XYLT1: variants seen among roughly 807,000 people sequenced by gnomAD.
XYLT1 encodes beta-D-xylosyltransferase 1.
Under a neutral mutation model 91.3 loss-of-function variants are expected in XYLT1, and 36 were observed. The observed-to-expected ratio is 0.39, with a 90% CI of 0.30 to 0.52. The LOEUF is 0.52. Among genes scored for constraint, XYLT1 ranks in the 20% least tolerant of loss-of-function variants. XYLT1 has a pLI of 0.68. For missense variants in XYLT1, 1,242 were observed against 1,284.5 expected (o/e 0.97, Z 0.51); for synonymous variants, 588 against 532.0 (o/e 1.11, Z -1.45).
intron 1 of XYLT1, among the ~76,000 whole-genome samples, chr16:17,375,153 G>A (rs938753752): frequency 8.5e-5 from 13 of 152,174 alleles, no homozygotes; most frequent in Admixed American, 2.6e-4. Context: ...GTTCCAGTCC[G>A]TGCAACTTCA....
At chr16:17,229,816 G>A (rs2033131677) in intron 3 of XYLT1, among the ~76,000 whole-genome samples, 1 of 152,194 alleles carries the variant, frequency 6.6e-6, no homozygotes, top group African/African-American at 2.4e-5. Context: ...CCAAAATCAT[G>A]TCCACTCAGA....
chr16:17,242,857 T>C (rs2033368826), intron 3 of XYLT1, among the ~76,000 whole-genome samples: 2 of 152,240 alleles, frequency 1.3e-5, no homozygotes. Context: ...TAAGGGGGAA[T>C]CACACAGTAT....
intron 8 of XYLT1, chr16:17,137,535 AAGAAGCCACCATGCTGGCTTGGAGGG>A (rs2030784053): frequency 6.6e-6 from 1 of 152,306 alleles, no homozygotes; most frequent in African/African-American, 2.4e-5. Flanking sequence ...GGGCTGGAGG[AAGAAGCCACCATGCTGGCTTGGAGGG>A]AGCAGAGCAG....
intron 2 of XYLT1, among the ~76,000 whole-genome samples, chr16:17,269,637 A>G (rs2033856968): frequency 6.6e-6 from 1 of 152,094 alleles, no homozygotes; most frequent in Non-Finnish European, 1.5e-5. Context: ...CAGCCTCTGT[A>G]AGAGAGCAGG....
intron 3 of XYLT1, among the ~76,000 whole-genome samples, chr16:17,212,706 C>T (rs959548469): frequency 1.3e-5 from 2 of 152,064 alleles, no homozygotes; most frequent in Non-Finnish European, 2.9e-5. Flanking sequence ...AAAGAACAGC[C>T]CATGACTGAA....
intron 1 of XYLT1, among the ~76,000 whole-genome samples, chr16:17,458,985 A>G (rs2036780229): frequency 1.3e-5 from 2 of 152,080 alleles, no homozygotes; most frequent in Admixed American, 1.3e-4. Flanking sequence ...GGATGTGTTC[A>G]GTTTGTGAGA....
At chr16:17,470,317 G>C (rs1003689128) in intron 1 of XYLT1, 117 bp downstream of exon 1, 1 of 1,157,332 alleles carries the variant, frequency 8.6e-7, no homozygotes, top group African/African-American at 1.6e-5. Context: ...GCGATGTGGA[G>C]TCGGTAGGCT....
At chr16:17,405,465 C>T (rs967029139) in intron 1 of XYLT1, among the ~76,000 whole-genome samples, 3 of 152,206 alleles carry the variant, frequency 2.0e-5, no homozygotes, top group African/African-American at 7.2e-5. Context: ...AGAACTCTGC[C>T]ACAGCCAGCC....
chr16:17,222,364 C>T (rs574843965), intron 3 of XYLT1, among the ~76,000 whole-genome samples: 49 of 152,260 alleles, frequency 3.2e-4, no homozygotes, highest in African/African-American at 1.0e-3. Flanking sequence ...CCAGGGATAC[C>T]GCTAAACGTC....
At chr16:17,467,679 C>T (rs2036917714) in intron 1 of XYLT1, among the ~76,000 whole-genome samples, 1 of 152,110 alleles carries the variant, frequency 6.6e-6, no homozygotes. Context: ...GCGCAGCTCC[C>T]CAAACATAAA....
Position 17,412,346 on chromosome 16 carries a change from T to C in XYLT1, c.364-54296A>G, listed in dbSNP as rs535730609. Among the ~76,000 whole-genome samples the C allele has an allele frequency of 2.6e-5, 4 of 151,798 alleles. No individual in the cohort carries two copies. In the East Asian group the frequency reaches 7.8e-4, roughly 30 times the overall value. On this transcript the variant is annotated intron_variant, in intron 1 of 11. Coordinates refer to ENST00000261381, the MANE Select transcript of XYLT1 (RefSeq NM_022166.4). Reference sequence around the variant, plus strand: ...CCTGGCACACAGCACCAGGTCCACGTGAGGGGGTCCTGGCGCACACACACG... The same window carrying C: ...CCTGGCACACAGCACCAGGTCCACGCGAGGGGGTCCTGGCGCACACACACG...
chr16:17,335,405 C>T (rs2034965012), intron 2 of XYLT1, among the ~76,000 whole-genome samples: 2 of 152,046 alleles, frequency 1.3e-5, no homozygotes, highest in Admixed American at 1.3e-4. Flanking sequence ...CACAGGAAGC[C>T]TTCCCATTTT....
intron 1 of XYLT1, among the ~76,000 whole-genome samples, chr16:17,466,298 G>A (rs1309529006): frequency 6.6e-6 from 1 of 152,166 alleles, no homozygotes; most frequent in Non-Finnish European, 1.5e-5. Context: ...ACAGGTGTGT[G>A]TGTTAAGTTC....
intron 1 of XYLT1, among the ~76,000 whole-genome samples, chr16:17,454,516 T>C (rs1484713123): frequency 6.6e-6 from 1 of 151,468 alleles, no homozygotes; most frequent in Admixed American, 6.6e-5. Context: ...TGTGTTCCAA[T>C]AAAGCTTTAT....
At chr16:17,387,857 ATT>A (rs2035766095) in intron 1 of XYLT1, among the ~76,000 whole-genome samples, 1 of 152,204 alleles carries the variant, frequency 6.6e-6, no homozygotes, top group African/African-American at 2.4e-5. Flanking sequence ...CCTCGTGAAG[ATT>A]CTATTCAGAG....
chr16:17,124,396 C>G (rs112895277), intron 10 of XYLT1, among the ~76,000 whole-genome samples: 190 of 152,274 alleles, frequency 1.2e-3, no homozygotes, highest in Non-Finnish European at 2.0e-3. Flanking sequence ...ACTGGATACA[C>G]GATGCGTGGC....
chr16:17,112,676 G>C (rs1966844492), intron 11 of XYLT1, among the ~76,000 whole-genome samples: 1 of 152,130 alleles, frequency 6.6e-6, no homozygotes, highest in African/African-American at 2.4e-5. Context: ...TAAGGGGGTG[G>C]GATTGGGCCT....
intron 2 of XYLT1, among the ~76,000 whole-genome samples, chr16:17,341,038 A>G (rs1453332032): frequency 6.6e-6 from 1 of 152,246 alleles, no homozygotes; most frequent in Non-Finnish European, 1.5e-5. Context: ...GAAACAGGAA[A>G]CCACGTAAGG....
chr16:17,293,167 G>A (rs770927884), intron 2 of XYLT1, among the ~76,000 whole-genome samples: 11 of 152,122 alleles, frequency 7.2e-5, no homozygotes, highest in Non-Finnish European at 1.5e-4. Flanking sequence ...ATTCTCTGTC[G>A]GCTACCCCCA....
Sources: gnomAD v4.1 joint callset for allele counts (sites outside exome capture counted in the v4.1 genomes callset) on GRCh38, gnomAD v4.1.1 for gene constraint, MANE v1.5 for transcripts, NCBI Gene and HGNC (gene_info 2026-07-23, HGNC 2026-07-21) for gene names.